The following GPHN variants were observed in gnomAD, a reference collection of about 807,000 sequenced individuals.
The protein encoded by GPHN is gephyrin.
Under a neutral mutation model 95.5 loss-of-function variants are expected in GPHN, and 17 were observed. The ratio of observed to expected loss-of-function variants is 0.18; its 90% CI spans 0.12 to 0.27. The LOEUF is 0.27. Ranked by LOEUF, GPHN falls within the 10% of genes least tolerant of loss-of-function variation. GPHN has a pLI of 1.00. For missense variants in GPHN, 660 were observed against 978.1 expected, an observed-to-expected ratio of 0.67 and a Z score of 4.34; for synonymous variants, 320 against 322.5, an observed-to-expected ratio of 0.99 and a Z score of 0.08.
chr14:67,236,380 C>A, the GPHN span, among the ~76,000 whole-genome samples: 1 of 152,068 alleles, frequency 6.6e-6, no homozygotes, highest in Non-Finnish European at 1.5e-5. Context: ...AAGACCTTTT[C>A]TTTCTTTGAG....
At chr14:66,663,708 A>G (rs902056164) in intron 1 of GPHN, among the ~76,000 whole-genome samples, 1 of 152,234 alleles carries the variant, frequency 6.6e-6, no homozygotes, top group Non-Finnish European at 1.5e-5. Flanking sequence ...TAAAGAAACA[A>G]GACCCAATGG....
At chr14:66,619,098 G>A (rs1236147422) in intron 1 of GPHN, among the ~76,000 whole-genome samples, 1 of 151,894 alleles carries the variant, frequency 6.6e-6, no homozygotes, top group Non-Finnish European at 1.5e-5. Context: ...ATTCTTTTTT[G>A]TTGTTCATTC....
the GPHN span, among the ~76,000 whole-genome samples, chr14:67,697,200 A>G: frequency 6.6e-6 from 1 of 152,232 alleles, no homozygotes; most frequent in South Asian, 2.1e-4. Context: ...AAGACCTTAA[A>G]TAAGTAATCA....
At chr14:67,534,769 T>C in the GPHN span, among the ~76,000 whole-genome samples, 3 of 152,168 alleles carry the variant, frequency 2.0e-5, no homozygotes, top group African/African-American at 7.2e-5. Context: ...GGGGAGAGCA[T>C]GTTCCTCCCA....
intron 9 of GPHN, among the ~76,000 whole-genome samples, chr14:66,970,304 G>C (rs2069664573): frequency 6.6e-6 from 1 of 151,960 alleles, no homozygotes; most frequent in Non-Finnish European, 1.5e-5. Context: ...ACTGTCCTTT[G>C]AGCAAAAGAA....
At chr14:66,936,992 T>A (rs1306400459) in intron 8 of GPHN, among the ~76,000 whole-genome samples, 1 of 152,186 alleles carries the variant, frequency 6.6e-6, no homozygotes, top group Non-Finnish European at 1.5e-5. Flanking sequence ...ATTCTAGTAA[T>A]CTTAGTAATC....
At chr14:67,605,358 T>A in the GPHN span, among the ~76,000 whole-genome samples, 10 of 152,212 alleles carry the variant, frequency 6.6e-5, no homozygotes, top group African/African-American at 2.4e-4. Context: ...TCTCCCTTTT[T>A]ATTTATTTAT....
At chr14:67,685,053 T>C in the GPHN span, 1 of 1,613,380 alleles carries the variant, frequency 6.2e-7, no homozygotes, top group Non-Finnish European at 8.5e-7. Flanking sequence ...GACCTTCTGT[T>C]AAGGCACAGT....
chr14:67,032,310 G>T (rs1266539019), intron 10 of GPHN, among the ~76,000 whole-genome samples: 1 of 152,186 alleles, frequency 6.6e-6, no homozygotes, highest in Non-Finnish European at 1.5e-5. Context: ...GAAAGCCAGG[G>T]AGAGTGGAGG....
the GPHN span, among the ~76,000 whole-genome samples, chr14:67,625,492 A>G: frequency 4.6e-5 from 7 of 151,988 alleles, no homozygotes; most frequent in Admixed American, 3.9e-4. Context: ...CAGCCTCAAC[A>G]TGGAGAAACC....
chr14:67,292,069 A>G, the GPHN span, among the ~76,000 whole-genome samples: 1 of 152,224 alleles, frequency 6.6e-6, no homozygotes, highest in Admixed American at 6.5e-5. Flanking sequence ...AATGGTTACT[A>G]TAAATTATGG....
intron 4 of GPHN, among the ~76,000 whole-genome samples, chr14:66,871,686 A>G (rs2063440524): frequency 6.6e-6 from 1 of 152,158 alleles, no homozygotes; most frequent in Non-Finnish European, 1.5e-5. Context: ...AGAAAATCAA[A>G]CACTGCATGT....
At chr14:67,060,042 TAA>T (rs565852082) in intron 11 of GPHN, among the ~76,000 whole-genome samples, 61 of 152,094 alleles carry the variant, frequency 4.0e-4, no homozygotes, top group Non-Finnish European at 6.9e-4. Flanking sequence ...AATGTAAACT[TAA>T]GTTATAAAAA....
chr14:66,932,528 T>TC (rs1309956776), intron 8 of GPHN, among the ~76,000 whole-genome samples: 1 of 132,446 alleles, frequency 7.6e-6, no homozygotes, highest in Admixed American at 8.9e-5. Flanking sequence ...AGAAATGCCG[T>TC]CCAAGAGCTA....
the GPHN span, chr14:67,541,708 C>T: frequency 1.6e-6 from 1 of 607,992 alleles, no homozygotes; most frequent in Non-Finnish European, 2.7e-6. Context: ...AATTCTCTTC[C>T]CCAGCCCTGT....
the GPHN span, among the ~76,000 whole-genome samples, chr14:67,568,820 A>G: frequency 1.3e-5 from 2 of 151,174 alleles, no homozygotes; most frequent in African/African-American, 4.9e-5. Flanking sequence ...CTTCTCTTGA[A>G]CCTCCTTTGC....
chr14:67,243,609 C>T, the GPHN span, among the ~76,000 whole-genome samples: 2 of 151,202 alleles, frequency 1.3e-5, no homozygotes, highest in South Asian at 4.2e-4. Context: ...TTTTCTGCCT[C>T]AGCCTCCCGA....
At position 66,709,169 on chromosome 14, in the gene GPHN, A is replaced by C. The variant is rs188116725; in HGVS notation, c.143+27984A>C. 9.4e-4 allele frequency among the ~76,000 whole-genome samples: 143 copies of C among 152,260 alleles called. 2 individuals carry two copies. Among genetic ancestry groups the C allele is most frequent in the Non-Finnish European group, 1.5e-3 (103 of 67,988 alleles). Reference sequence around the variant, plus strand: ...TGACCACGTTTTTGTTAGGGCCTTTATTTGAACAGTGTTCCTACAGCTTTC... The same window carrying C: ...TGACCACGTTTTTGTTAGGGCCTTTCTTTGAACAGTGTTCCTACAGCTTTC... On this transcript the variant is annotated intron_variant, in intron 2 of 22. Transcript: ENST00000478722.
intron 2 of GPHN, among the ~76,000 whole-genome samples, chr14:66,727,117 G>C (rs1195399846): frequency 6.6e-6 from 1 of 152,150 alleles, no homozygotes; most frequent in African/African-American, 2.4e-5. Context: ...CACAAGATCT[G>C]ATGGTTTTTA....
Sources: allele counts gnomAD v4.1 joint callset (sites outside exome capture counted in the v4.1 genomes callset), GRCh38; gene constraint gnomAD v4.1.1; transcripts MANE v1.5; gene names NCBI Gene and HGNC (gene_info 2026-07-23, HGNC 2026-07-21).